The following STARD13 variants were observed in gnomAD, a reference collection of about 807,000 sequenced individuals.
The protein encoded by STARD13 is stAR-related lipid transfer protein 13.
Under a neutral mutation model 106.4 loss-of-function variants are expected in STARD13, and 62 were observed. The observed-to-expected ratio is 0.58, with a 90% CI of 0.48 to 0.72. The LOEUF (loss-of-function observed/expected upper bound fraction) is 0.72, where lower values mean the gene tolerates loss of function less well. Ranked by LOEUF, STARD13 falls within the 30% of genes least tolerant of loss-of-function variation. The probability of loss-of-function intolerance (pLI) is 0.00; values close to 1 mark genes in which losing one functional copy is unlikely to be tolerated. For synonymous variants in STARD13, 565 were observed against 553.0 expected, an observed-to-expected ratio of 1.02 and a Z score of -0.31; for missense variants, 1,387 against 1,424.0, an observed-to-expected ratio of 0.97 and a Z score of 0.42.
rs7326091 is a variant in STARD13 at position 33,220,997 on chromosome 13, T to C, written c.170-53375A>G. ...CTTACATTCATTACAATAGTTAACT[T>C]ACCCCCATATCCATATAGATAAGCC... On this transcript the variant is annotated intron_variant, in intron 1 of 13. Coordinates refer to ENST00000336934, the MANE Select transcript of STARD13 (RefSeq NM_178006.4). Among the ~76,000 whole-genome samples the C allele has an allele frequency of 6.4e-3, 972 of 152,214 alleles. 12 individuals are homozygous for C. The highest frequency in any genetic ancestry group is 0.022 in the African/African-American group (922 of 41,532).
At chr13:33,506,689 G>A in the STARD13 span, among the ~76,000 whole-genome samples, 1 of 152,076 alleles carries the variant, frequency 6.6e-6, no homozygotes, top group Non-Finnish European at 1.5e-5. Context: ...TTTGACCAAT[G>A]GATTTTAATG....
At chr13:33,289,467 A>C (rs915821312), upstream of STARD13, among the ~76,000 whole-genome samples, 1 of 152,182 alleles carries the variant, frequency 6.6e-6, no homozygotes, top group African/African-American at 2.4e-5. Flanking sequence ...TTGGATGGAA[A>C]GGAGGCTAAG....
At chr13:33,212,904 T>C (rs1302702984) in intron 1 of STARD13, among the ~76,000 whole-genome samples, 11 of 152,212 alleles carry the variant, frequency 7.2e-5, no homozygotes, top group Admixed American at 7.2e-4. Flanking sequence ...TTAGCAAGTA[T>C]TGCTTAAAAA....
At chr13:33,606,616 T>C in the STARD13 span, among the ~76,000 whole-genome samples, 1 of 152,320 alleles carries the variant, frequency 6.6e-6, no homozygotes, top group Admixed American at 6.5e-5. Context: ...CTCAAAAGCT[T>C]TGATATGTAA....
intron 1 of STARD13, chr13:33,279,466 G>C (rs1376310001): frequency 6.6e-6 from 1 of 152,200 alleles, no homozygotes; most frequent in Non-Finnish European, 1.5e-5. Context: ...TTAAGCTAAA[G>C]TTACAGAACC....
chr13:33,212,225 C>T (rs766973516), intron 1 of STARD13, among the ~76,000 whole-genome samples: 1 of 152,024 alleles, frequency 6.6e-6, no homozygotes, highest in African/African-American at 2.4e-5. Flanking sequence ...CTTTACATCC[C>T]GAGCAGTGTG....
At chr13:33,560,382 C>T in the STARD13 span, among the ~76,000 whole-genome samples, 1 of 150,874 alleles carries the variant, frequency 6.6e-6, no homozygotes. Context: ...CCTAAGAAAA[C>T]GAAGTAAATT....
chr13:33,516,331 C>T, the STARD13 span, among the ~76,000 whole-genome samples: 1 of 150,490 alleles, frequency 6.6e-6, no homozygotes, highest in Non-Finnish European at 1.5e-5. Context: ...AATAATTAAG[C>T]ATATCAGTTT....
intron 1 of STARD13, among the ~76,000 whole-genome samples, chr13:33,266,135 G>A (rs1179139366): frequency 1.3e-5 from 2 of 152,166 alleles, no homozygotes; most frequent in South Asian, 2.1e-4. Flanking sequence ...AACACAGACA[G>A]CAATAGACAG....
chr13:33,452,406 C>T, the STARD13 span, among the ~76,000 whole-genome samples: 4 of 152,118 alleles, frequency 2.6e-5, no homozygotes, highest in Admixed American at 1.3e-4. Context: ...TTTCCTCTGC[C>T]GCACTGTTGT....
chr13:33,111,337 T>C (rs1874534014), intron 10 of STARD13, among the ~76,000 whole-genome samples: 1 of 152,242 alleles, frequency 6.6e-6, no homozygotes, highest in South Asian at 2.1e-4. Flanking sequence ...ATGCCAATTC[T>C]ATCACAAAAG....
Position 33,165,355 on chromosome 13 carries a change from A to C in STARD13, c.305T>G (p.Leu102Arg). The change falls in exon 3 of 14, where the codon CTT becomes CGT. Residue 102 changes from leucine to arginine, a missense_variant. Physicochemically the swap from Leu to Arg is moderately radical, Grantham distance 102 (BLOSUM62 -2). Coordinates refer to ENST00000336934, the MANE Select transcript of STARD13 (RefSeq NM_178006.4). ...KNDHDFLEKD[L>R]VEPLCRRLNT... ...GGTTTACCTGCAAAGAGGTTCTACA[A>C]GGTCCTTTTCAAGAAAATCATGATC... The C allele has an allele frequency of 6.2e-7, 1 of 1,613,500 alleles. No individual in the cohort carries two copies. Among genetic ancestry groups the C allele is most frequent in the Non-Finnish European group, 8.5e-7 (1 of 1,179,412 alleles).
chr13:33,497,154 G>C, the STARD13 span, among the ~76,000 whole-genome samples: 1 of 152,058 alleles, frequency 6.6e-6, no homozygotes, highest in Non-Finnish European at 1.5e-5. Flanking sequence ...AGACCTTTAA[G>C]TTTCCCAAAT....
At chr13:33,451,938 C>T in the STARD13 span, among the ~76,000 whole-genome samples, 44 of 152,192 alleles carry the variant, frequency 2.9e-4, no homozygotes, top group African/African-American at 1.1e-3. Context: ...TGGCAAGAGC[C>T]AGAAGACAGA....
At chr13:33,467,182 AC>A in the STARD13 span, among the ~76,000 whole-genome samples, 1 of 151,896 alleles carries the variant, frequency 6.6e-6, no homozygotes, top group Admixed American at 6.6e-5. Flanking sequence ...TATACAGCTC[AC>A]CATAATGTAG....
chr13:33,673,017 T>G, the STARD13 span, among the ~76,000 whole-genome samples: 1 of 152,234 alleles, frequency 6.6e-6, no homozygotes, highest in East Asian at 1.9e-4. Flanking sequence ...AAGTTCCTTT[T>G]AGAGTGGTTC....
chr13:33,552,319 C>G, the STARD13 span, among the ~76,000 whole-genome samples: 1 of 152,142 alleles, frequency 6.6e-6, no homozygotes, highest in African/African-American at 2.4e-5. Flanking sequence ...ATCCACCAAA[C>G]AAAAGCAGAA....
the STARD13 span, among the ~76,000 whole-genome samples, chr13:33,475,921 C>T: frequency 1.3e-5 from 2 of 151,946 alleles, no homozygotes; most frequent in East Asian, 1.9e-4. Flanking sequence ...GGCGCCACTG[C>T]ACTCCAGCCT....
chr13:33,285,747 G>A lies in STARD13; in HGVS notation c.-109C>T. The A allele has an allele frequency of 1.3e-6, 2 of 1,493,818 alleles. No individual in the cohort carries two copies. Among genetic ancestry groups the A allele is most frequent in the Non-Finnish European group, 1.8e-6 (2 of 1,127,644 alleles). 92.5% of individuals were successfully genotyped at this position (1,493,818 alleles called of 1,614,324 possible). On this transcript the variant is annotated 5_prime_UTR_variant, in exon 1 of 14. Transcript: ENST00000336934. ...AGCCCAGGACAGCTCAACAGACCCA[G>A]CGATTTTTAAAAAGAAAGAGGAGTG...
Sources: gnomAD v4.1 joint callset for allele counts (sites outside exome capture counted in the v4.1 genomes callset) on GRCh38, gnomAD v4.1.1 for gene constraint, MANE v1.5 for transcripts, NCBI Gene and HGNC (gene_info 2026-07-23, HGNC 2026-07-21) for gene names.